The following CLSTN2 variants were observed in gnomAD, a reference collection of about 807,000 sequenced individuals.
CLSTN2 encodes the protein calsyntenin 2, also known as calsyntenin-2.
CLSTN2 carries 48 observed loss-of-function variants against 101.2 expected under a neutral mutation model. The ratio of observed to expected loss-of-function variants is 0.47; its 90% confidence interval spans 0.38 to 0.60. The LOEUF (loss-of-function observed/expected upper bound fraction) is 0.60, where lower values mean the gene tolerates loss of function less well. Among genes scored for constraint, CLSTN2 ranks in the 20% least tolerant of loss-of-function variants. The probability of loss-of-function intolerance (pLI) is 0.00; values close to 1 mark genes in which losing one functional copy is unlikely to be tolerated. For synonymous variants in CLSTN2, 481 were observed against 463.6 expected (o/e 1.04, Z -0.48); for missense variants, 1,160 against 1,238.2 (o/e 0.94, Z 0.95).
intron 2 of CLSTN2, among the ~76,000 whole-genome samples, chr3:140,201,841 T>C (rs1222937989): frequency 3.3e-5 from 5 of 151,776 alleles, no homozygotes; most frequent in Admixed American, 3.3e-4. Context: ...TGTGTATATA[T>C]AATGATATAT....
At chr3:140,537,173 G>C (rs1935376762) in intron 9 of CLSTN2, among the ~76,000 whole-genome samples, 1 of 152,184 alleles carries the variant, frequency 6.6e-6, no homozygotes, top group Non-Finnish European at 1.5e-5. Flanking sequence ...AAGGGAACTA[G>C]CTCCCATTTG....
chr3:140,296,735 C>T (rs1229979049), intron 2 of CLSTN2, among the ~76,000 whole-genome samples: 1 of 152,198 alleles, frequency 6.6e-6, no homozygotes, highest in East Asian at 1.9e-4. Flanking sequence ...GACCATCTGT[C>T]CCTTTAGGGC....
intron 1 of CLSTN2, among the ~76,000 whole-genome samples, chr3:140,049,671 GAC>G (rs1450100029): frequency 6.6e-6 from 1 of 152,146 alleles, no homozygotes; most frequent in Non-Finnish European, 1.5e-5. Context: ...TGCTTCAAGA[GAC>G]ACACATCAGG....
At chr3:140,347,264 A>C (rs2087559127) in intron 2 of CLSTN2, among the ~76,000 whole-genome samples, 1 of 152,228 alleles carries the variant, frequency 6.6e-6, no homozygotes. Flanking sequence ...TTCCTTGTTA[A>C]ACAACAGAGG....
At chr3:140,527,139 T>C (rs577908216) in intron 8 of CLSTN2, among the ~76,000 whole-genome samples, 2 of 152,010 alleles carry the variant, frequency 1.3e-5, no homozygotes, top group African/African-American at 4.8e-5. Context: ...ATCAACAGAG[T>C]AAACAGCCTA....
chr3:140,101,801 C>T (rs950438610), intron 1 of CLSTN2, among the ~76,000 whole-genome samples: 7 of 152,052 alleles, frequency 4.6e-5, no homozygotes, highest in African/African-American at 9.7e-5. Context: ...GGGGAGGAAA[C>T]GATGGAAAAG....
At chr3:140,282,709 T>C (rs531439916) in intron 2 of CLSTN2, among the ~76,000 whole-genome samples, 139 of 152,180 alleles carry the variant, frequency 9.1e-4, no homozygotes, top group African/African-American at 3.3e-3. Flanking sequence ...ACTTATAGAG[T>C]GGCCTGGTAA....
At chr3:140,223,141 C>A (rs1383440114) in intron 2 of CLSTN2, among the ~76,000 whole-genome samples, 1 of 152,170 alleles carries the variant, frequency 6.6e-6, no homozygotes, top group Non-Finnish European at 1.5e-5. Context: ...CTCACTCACC[C>A]AGATGGCCCT....
At chr3:140,253,098 T>A (rs996968147) in intron 2 of CLSTN2, among the ~76,000 whole-genome samples, 1 of 152,202 alleles carries the variant, frequency 6.6e-6, no homozygotes. Context: ...TGGCTGCCTG[T>A]GTAGACCAGG....
intron 2 of CLSTN2, among the ~76,000 whole-genome samples, chr3:140,235,661 C>T (rs952231556): frequency 1.3e-5 from 2 of 152,100 alleles, no homozygotes; most frequent in Non-Finnish European, 2.9e-5. Context: ...TTGTCTGTAC[C>T]AGCAGATTCC....
intron 2 of CLSTN2, among the ~76,000 whole-genome samples, chr3:140,177,707 C>T (rs951322152): frequency 2.0e-5 from 3 of 152,034 alleles, no homozygotes; most frequent in Admixed American, 6.6e-5. Flanking sequence ...GCAGGAGGAT[C>T]GCTTGACTCA....
intron 10 of CLSTN2, among the ~76,000 whole-genome samples, chr3:140,554,141 G>A (rs75246614): frequency 0.036 from 5,450 of 152,218 alleles, 101 homozygotes; most frequent in East Asian, 0.053. Flanking sequence ...GCACCAAAGC[G>A]CAGTGGGGAC....
chr3:140,449,213 T>G (rs1180413353), intron 6 of CLSTN2, among the ~76,000 whole-genome samples: 2 of 152,230 alleles, frequency 1.3e-5, no homozygotes, highest in Admixed American at 1.3e-4. Context: ...ACAAGAGTTT[T>G]ACAACAGAGA....
At chr3:140,160,518 A>C (rs16849982) in intron 1 of CLSTN2, among the ~76,000 whole-genome samples, 2 of 152,046 alleles carry the variant, frequency 1.3e-5, no homozygotes, top group African/African-American at 4.8e-5. Flanking sequence ...AGACATTCTC[A>C]ATTTCATGGA....
At chr3:140,391,897 C>T (rs979351210) in intron 2 of CLSTN2, among the ~76,000 whole-genome samples, 3 of 151,822 alleles carry the variant, frequency 2.0e-5, no homozygotes, top group South Asian at 2.1e-4. Context: ...TATTAAGAGG[C>T]GATGATCATT....
intron 8 of CLSTN2, among the ~76,000 whole-genome samples, chr3:140,520,741 T>G (rs141469662): frequency 6.6e-6 from 1 of 152,192 alleles, no homozygotes; most frequent in Non-Finnish European, 1.5e-5. Flanking sequence ...CTGGATGATA[T>G]CCTCAAGTAT....
chr3:140,228,391 G>A (rs1164256119), intron 2 of CLSTN2, among the ~76,000 whole-genome samples: 1 of 152,154 alleles, frequency 6.6e-6, no homozygotes, highest in Non-Finnish European at 1.5e-5. Context: ...ACCTCAGCCT[G>A]GACTTTATAT....
At chr3:140,413,409 T>C (rs1486110033) in intron 4 of CLSTN2, among the ~76,000 whole-genome samples, 2 of 152,168 alleles carry the variant, frequency 1.3e-5, no homozygotes, top group African/African-American at 4.8e-5. Flanking sequence ...ATAATAGTTT[T>C]TTTAAATATC....
At chr3:140,010,577 G>C (rs2007052370) in intron 1 of CLSTN2, among the ~76,000 whole-genome samples, 1 of 152,154 alleles carries the variant, frequency 6.6e-6, no homozygotes, top group Non-Finnish European at 1.5e-5. Flanking sequence ...ACTCTGAATG[G>C]CCTGACTAGG....
Sources: allele counts gnomAD v4.1 joint callset (sites outside exome capture counted in the v4.1 genomes callset), GRCh38; gene constraint gnomAD v4.1.1; transcripts MANE v1.5; gene names NCBI Gene and HGNC (gene_info 2026-07-23, HGNC 2026-07-21).